Variants in LAMA2 observed in about 807,000 individuals in gnomAD.
The protein encoded by LAMA2 is laminin subunit alpha 2.
A neutral mutation model predicts 364.8 loss-of-function variants in LAMA2; 269 were observed. The observed-to-expected ratio is 0.74, with a 90% CI of 0.67 to 0.82. The LOEUF is 0.82. Among genes scored for constraint, LAMA2 ranks in the 40% least tolerant of loss-of-function variants. LAMA2 has a pLI of 0.00. For missense variants in LAMA2, 3,807 were observed against 3,873.2 expected (o/e 0.98, Z 0.45); for synonymous variants, 1,379 against 1,370.6 (o/e 1.01, Z -0.14).
intron 1 of LAMA2, among the ~76,000 whole-genome samples, chr6:128,946,120 C>G (rs1015030698): frequency 6.7e-6 from 1 of 150,164 alleles, no homozygotes; most frequent in Non-Finnish European, 1.5e-5. Context: ...AGACTGCAGC[C>G]TCTCTAGGTC....
chr6:129,204,097 T>C (rs918136845), intron 12 of LAMA2, among the ~76,000 whole-genome samples: 1 of 152,150 alleles, frequency 6.6e-6, no homozygotes, highest in African/African-American at 2.4e-5. Flanking sequence ...AAAATAAAAA[T>C]TGACAATCAG....
Position 129,503,026 on chromosome 6 carries a change from C to T in LAMA2, c.8358-65C>T, listed in dbSNP as rs541422861. On this transcript the variant is annotated intron_variant, in intron 59 of 64. Coordinates refer to ENST00000421865, the MANE Select transcript of LAMA2 (RefSeq NM_000426.4). Reference sequence around the variant, plus strand: ...TGAAAATGCAGCCACGATCTGATACCGCTCTATTTTAGCATGAGAATGCTG... The same window carrying T: ...TGAAAATGCAGCCACGATCTGATACTGCTCTATTTTAGCATGAGAATGCTG... 400 of 1,419,824 alleles carry T rather than the reference C, an allele frequency of 2.8e-4. 2 individuals are homozygous for T. In the South Asian group the frequency reaches 3.8e-3, roughly 14 times the overall value. 88.0% of individuals were successfully genotyped at this position (1,419,824 alleles called of 1,614,324 possible).
chr6:129,373,857 A>G (rs550096141), intron 34 of LAMA2, among the ~76,000 whole-genome samples: 5 of 152,330 alleles, frequency 3.3e-5, no homozygotes, highest in South Asian at 4.1e-4. Flanking sequence ...ATGACTTATT[A>G]CTGTGGATAT....
chr6:129,219,842 G>T (rs1474132963), intron 12 of LAMA2, among the ~76,000 whole-genome samples: 1 of 137,256 alleles, frequency 7.3e-6, no homozygotes, highest in Non-Finnish European at 1.6e-5. Flanking sequence ...TGGGGGGGAG[G>T]GGGGAGAGAT....
chr6:129,454,440 G>A (rs1782853037), intron 47 of LAMA2, 152 bp downstream of exon 47: 2 of 641,276 alleles, frequency 3.1e-6, no homozygotes, highest in Non-Finnish European at 2.7e-6. Context: ...CTGGGAGTGG[G>A]TATGTTTGTC....
intron 1 of LAMA2, among the ~76,000 whole-genome samples, chr6:128,950,889 A>G (rs917099663): frequency 1.3e-5 from 2 of 152,160 alleles, no homozygotes; most frequent in Non-Finnish European, 2.9e-5. Context: ...CTGGTACCAA[A>G]TAAGCACTGA....
Position 129,401,152 on chromosome 6 carries a change from G to C in LAMA2, c.5446-72G>C. 2 of 949,380 alleles carry C rather than the reference G, an allele frequency of 2.1e-6. 1 individual carries two copies. Among genetic ancestry groups the C allele is most frequent in the African/African-American group, 3.2e-5 (2 of 61,564 alleles). 58.8% of individuals were successfully genotyped at this position (949,380 alleles called of 1,614,324 possible). ...CTAAGCTTTTATTCAAACAGCTCAG[G>C]AAAGTCAGGAATACAAGGGGTAGGA... On this transcript the variant is annotated intron_variant, in intron 37 of 64. Transcript: ENST00000421865.
chr6:129,464,288 A>G lies in LAMA2; in HGVS notation c.6993-2A>G, dbSNP rs200669208. 1 of 1,610,578 alleles carries G rather than the reference A, an allele frequency of 6.2e-7. No homozygotes were observed. The highest frequency in any genetic ancestry group is 8.5e-7 in the Non-Finnish European group (1 of 1,177,230). The stretch of plus-strand genomic sequence containing the variant: ...ATTCATGTGAAATGTCTCTCTTCTC[A>G]GTCCTCAGGTGGAAGATAGTGAGGG... On this transcript the variant is annotated splice_acceptor_variant, in intron 49 of 64. Transcript: ENST00000421865. LOFTEE classifies it high-confidence loss of function.
chr6:129,329,214 C>T (rs1479874578), intron 29 of LAMA2, among the ~76,000 whole-genome samples: 1 of 152,190 alleles, frequency 6.6e-6, no homozygotes, highest in Non-Finnish European at 1.5e-5. Context: ...TCTACTGAGC[C>T]TTGTGGAACT....
chr6:129,465,369 C>A, intron 51 of LAMA2, 80 bp downstream of exon 51: 1 of 1,223,478 alleles, frequency 8.2e-7, no homozygotes, highest in Non-Finnish European at 1.2e-6. Flanking sequence ...AAGAGGAAGG[C>A]TCCGTCTATA....
At chr6:129,366,974 A>G (rs1777813437) in intron 33 of LAMA2, among the ~76,000 whole-genome samples, 1 of 152,356 alleles carries the variant, frequency 6.6e-6, no homozygotes, top group Middle Eastern at 3.4e-3. Flanking sequence ...CACTGAGATC[A>G]GGTGGCCATA....
At chr6:128,907,541 C>T (rs1333276838) in intron 1 of LAMA2, among the ~76,000 whole-genome samples, 2 of 152,052 alleles carry the variant, frequency 1.3e-5, no homozygotes, top group Non-Finnish European at 2.9e-5. Context: ...TGGACTGAGA[C>T]AATGGGGTTT....
In LAMA2 at chr6:129,239,142, A is replaced by T. The variant is rs73601147; in HGVS notation, c.1783-10970A>T. 9.6e-3 allele frequency among the ~76,000 whole-genome samples: 1,459 copies of T among 152,330 alleles called. 29 individuals are homozygous for T. Among genetic ancestry groups the T allele is most frequent in the African/African-American group, 0.034 (1,410 of 41,562 alleles). The stretch of plus-strand genomic sequence containing the variant: ...CTATTCTAGATTATTCAATTGAATC[A>T]TCACAACAACGCTATGAGGTAGTTA... On this transcript the variant is annotated intron_variant, in intron 12 of 64. Coordinates refer to ENST00000421865, the MANE Select transcript of LAMA2 (RefSeq NM_000426.4).
At chr6:128,964,993 A>T (rs1014607618) in intron 1 of LAMA2, among the ~76,000 whole-genome samples, 9 of 152,022 alleles carry the variant, frequency 5.9e-5, no homozygotes, top group Admixed American at 5.9e-4. Flanking sequence ...TACAGAATAC[A>T]TTCCTGTTTC....
chr6:129,435,106 C>A, intron 41 of LAMA2, among the ~76,000 whole-genome samples: 1 of 152,084 alleles, frequency 6.6e-6, no homozygotes. Context: ...AGTTGTTCAG[C>A]CAGCATTTTG....
chr6:129,391,626 A>C lies in LAMA2; in HGVS notation c.5207A>C (p.Gln1736Pro). The C allele has an allele frequency of 6.2e-7, 1 of 1,613,916 alleles. No homozygotes were observed. The highest frequency in any genetic ancestry group is 8.5e-7 in the Non-Finnish European group (1 of 1,179,810). The change falls in exon 36 of 65, where the codon CAA (glutamine) becomes CCA (proline). Residue 1736 changes from glutamine to proline, a missense_variant. Physicochemically the swap from Gln to Pro is moderately conservative, Grantham distance 76 (BLOSUM62 -1). Transcript: ENST00000421865. ...CTGAGGAGGAAAAATCTAGAGACAC[A>C]AAAGGAAATTGCTGAAGATGAGTTG... ...KELRRKNLETQKEIAEDELVA... is the reference protein window; with the variant it reads ...KELRRKNLETPKEIAEDELVA...
At chr6:129,305,437 A>G (rs113486014) in intron 22 of LAMA2, among the ~76,000 whole-genome samples, 31 of 151,446 alleles carry the variant, frequency 2.0e-4, no homozygotes, top group African/African-American at 5.3e-4. Context: ...AAATCCTCTC[A>G]CCTCAGCCTC....
At chr6:129,401,472 T>C in intron 38 of LAMA2, 132 bp downstream of exon 38, 2 of 712,432 alleles carry the variant, frequency 2.8e-6, no homozygotes, top group South Asian at 3.0e-5. Context: ...ATTATTCTAC[T>C]GTGACCATGC....
chr6:129,353,149 A>C lies in LAMA2; in HGVS notation c.4524-15A>C. On this transcript the variant is annotated splice_polypyrimidine_tract_variant and intron_variant, in intron 31 of 64. Coordinates refer to ENST00000421865, the MANE Select transcript of LAMA2 (RefSeq NM_000426.4). ...TGCTATTAACCTCTTTTGCTTTGTC[A>C]CTGTTTCAATTCAGGTGTGCCCCTG... 1 of 1,605,938 alleles carries C rather than the reference A, an allele frequency of 6.2e-7. No individual in the cohort carries two copies. The highest frequency in any genetic ancestry group is 8.5e-7 in the Non-Finnish European group (1 of 1,173,640).
Sources: gnomAD v4.1 joint callset for allele counts (sites outside exome capture counted in the v4.1 genomes callset) on GRCh38, gnomAD v4.1.1 for gene constraint, MANE v1.5 for transcripts, NCBI Gene and HGNC (gene_info 2026-07-23, HGNC 2026-07-21) for gene names.